Variants in CD109 observed in about 807,000 individuals in gnomAD.
The protein encoded by CD109 is CD109 molecule.
Under a neutral mutation model 165.8 loss-of-function variants are expected in CD109, and 149 were observed. The ratio of observed to expected loss-of-function variants is 0.90; its 90% CI spans 0.79 to 1.03. CD109 has a LOEUF of 1.03. CD109 is among the 50% of genes least tolerant of loss of function. The pLI, the probability that CD109 is intolerant of heterozygous loss-of-function variation, is 0.00. For missense variants in CD109, 1,712 were observed against 1,677.8 expected, an observed-to-expected ratio of 1.02 and a Z score of -0.36; for synonymous variants, 585 against 592.1, an observed-to-expected ratio of 0.99 and a Z score of 0.18.
At chr6:73,773,478 A>C (rs1480271500) in intron 15 of CD109, among the ~76,000 whole-genome samples, 7 of 151,804 alleles carry the variant, frequency 4.6e-5, no homozygotes, top group Admixed American at 2.0e-4. Flanking sequence ...TCTAATGGGG[A>C]CTTTTTCTGC....
chr6:73,722,524 C>T (rs950352462), intron 2 of CD109, among the ~76,000 whole-genome samples: 1 of 152,172 alleles, frequency 6.6e-6, no homozygotes, highest in Non-Finnish European at 1.5e-5. Context: ...CATTTGGCTT[C>T]CTGGAGGAGA....
chr6:73,808,164 C>A lies in CD109; in HGVS notation c.3271C>A (p.Leu1091Ile). 1 of 1,613,524 alleles carries A rather than the reference C, an allele frequency of 6.2e-7. No individual in the cohort carries two copies. Among genetic ancestry groups the A allele is most frequent in the Non-Finnish European group, 8.5e-7 (1 of 1,179,668 alleles). Reference protein sequence around the residue: ...RGISDNYTLALITYALSSVGS... With the variant: ...RGISDNYTLAIITYALSSVGS... The stretch of plus-strand genomic sequence containing the variant: ...AATTTCAGACAATTATACTCTAGCC[C>A]TTATAACTTATGCATTGTCATCAGT... The change falls in exon 26 of 33, where the codon CTT becomes ATT. Residue 1091 changes from leucine to isoleucine, a missense_variant. Coordinates refer to ENST00000287097, the MANE Select transcript of CD109 (RefSeq NM_133493.5).
intron 15 of CD109, 50 bp from the exon 16 acceptor site, chr6:73,780,374 G>A (rs1361247731): frequency 1.8e-6 from 2 of 1,093,174 alleles, no homozygotes; most frequent in East Asian, 4.8e-5. Context: ...GAAGAAGTGT[G>A]GAAAGTTGTT....
rs533848152 is a variant in CD109, at chr6:73,752,254, A to C, written c.634-4389A>C. On this transcript the variant is annotated intron_variant, in intron 5 of 32. Coordinates refer to ENST00000287097, the MANE Select transcript of CD109 (RefSeq NM_133493.5). The stretch of plus-strand genomic sequence containing the variant: ...AAAATATATTTTTTAATGGTCATGT[A>C]ATATGCTATATTTCTTCAAATCTGT... Among the ~76,000 whole-genome samples, 3 of 152,340 alleles carry C rather than the reference A, an allele frequency of 2.0e-5. No individual in the cohort carries two copies. In the South Asian group the frequency reaches 6.2e-4, roughly 32 times the overall value.
intron 4 of CD109, among the ~76,000 whole-genome samples, chr6:73,731,490 T>C (rs992818325): frequency 3.9e-4 from 60 of 152,196 alleles, no homozygotes; most frequent in African/African-American, 1.4e-3. Flanking sequence ...GGCAGTGTGC[T>C]GGAGCCCCGG....
At chr6:73,740,695 C>T (rs1049529916) in intron 5 of CD109, among the ~76,000 whole-genome samples, 6 of 150,752 alleles carry the variant, frequency 4.0e-5, no homozygotes, top group Non-Finnish European at 3.0e-5. Context: ...CAGGTTCAAG[C>T]GATTCTCCTG....
chr6:73,773,205 C>T (rs1300737302), intron 15 of CD109, among the ~76,000 whole-genome samples: 7 of 150,212 alleles, frequency 4.7e-5, no homozygotes, highest in Non-Finnish European at 3.0e-5. Flanking sequence ...TATATATTTA[C>T]AAGTATATTT....
chr6:73,808,666 G>A (rs1775654877), intron 26 of CD109, among the ~76,000 whole-genome samples: 1 of 152,122 alleles, frequency 6.6e-6, no homozygotes, highest in African/African-American at 2.4e-5. Flanking sequence ...AGGATTAAAT[G>A]AGATAATGTG....
intron 23 of CD109, among the ~76,000 whole-genome samples, chr6:73,793,131 G>A (rs1006842571): frequency 1.8e-4 from 27 of 152,304 alleles, no homozygotes; most frequent in Middle Eastern, 3.4e-3. Flanking sequence ...TTACACATTT[G>A]TGGAGTGTTT....
In CD109 at chr6:73,716,247, C is replaced by T. The variant is rs761676539; in HGVS notation, c.248-7004C>T. On this transcript the variant is annotated intron_variant, in intron 2 of 32. Coordinates refer to ENST00000287097, the MANE Select transcript of CD109 (RefSeq NM_133493.5). ...CAGTGGTGTAACAAACATGGGAGTGCAGATAGCTCTTTGATATACTGATTT... is the reference window on the plus strand; with the variant it reads ...CAGTGGTGTAACAAACATGGGAGTGTAGATAGCTCTTTGATATACTGATTT... 4.2e-4 allele frequency among the ~76,000 whole-genome samples: 64 copies of T among 152,320 alleles called. No individual in the cohort carries two copies. In the Middle Eastern group the frequency reaches 0.014, roughly 32 times the overall value.
At chr6:73,752,455 T>G (rs1346285195) in intron 5 of CD109, among the ~76,000 whole-genome samples, 1 of 152,192 alleles carries the variant, frequency 6.6e-6, no homozygotes, top group Non-Finnish European at 1.5e-5. Context: ...TTGTCTAATT[T>G]CTGTAACATA....
chr6:73,684,605 T>C, the CD109 span, among the ~76,000 whole-genome samples: 1 of 152,146 alleles, frequency 6.6e-6, no homozygotes, highest in African/African-American at 2.4e-5. Context: ...CCCTGATGAT[T>C]AGTGGTATTG....
chr6:73,694,088 A>G (rs933040778), upstream of CD109: 1 of 151,976 alleles, frequency 6.6e-6, no homozygotes, highest in Non-Finnish European at 1.5e-5. Flanking sequence ...GGGGTTTCAC[A>G]ATGTTGGTCA....
intron 22 of CD109, 108 bp downstream of exon 22, chr6:73,788,720 G>A: frequency 1.0e-6 from 1 of 962,220 alleles, no homozygotes; most frequent in Non-Finnish European, 1.5e-6. Context: ...AAGAAGAGAT[G>A]GCAAAAGTTT....
Position 73,762,738 on chromosome 6 carries a change from C to T in CD109, c.856-3C>T. ...AATAATACTGAACTTTTAAACAAAA[C>T]AGATAAATGGATCTGCAAACTTCTC... is the stretch of plus-strand genomic sequence containing the variant. On this transcript the variant is annotated splice_polypyrimidine_tract_variant and splice_region_variant and intron_variant, in intron 8 of 32. Transcript: ENST00000287097. 6.3e-7 allele frequency: 1 copy of T among 1,591,764 alleles called. No individual in the cohort carries two copies. Among genetic ancestry groups the T allele is most frequent in the South Asian group, 1.1e-5 (1 of 87,426 alleles).
intron 5 of CD109, among the ~76,000 whole-genome samples, chr6:73,743,110 G>A (rs1167021365): frequency 6.6e-6 from 1 of 152,110 alleles, no homozygotes; most frequent in Non-Finnish European, 1.5e-5. Context: ...ACCTTTTTAG[G>A]TAATCAGCTC....
intron 15 of CD109, among the ~76,000 whole-genome samples, 186 bp from the exon 16 acceptor site, chr6:73,780,238 A>G (rs181417863): frequency 9.8e-5 from 15 of 152,336 alleles, no homozygotes; most frequent in Admixed American, 2.0e-4. Context: ...AAAAGTAAGT[A>G]TAAGTAAGAA....
chr6:73,817,177 C>T (rs1775967466), intron 30 of CD109, among the ~76,000 whole-genome samples: 1 of 152,184 alleles, frequency 6.6e-6, no homozygotes, highest in African/African-American at 2.4e-5. Context: ...GACCTTACCT[C>T]ATACCAGGCT....
chr6:73,791,160 T>TATACACATACAC lies in CD109; in HGVS notation c.2702-1463_2702-1462insCACATACACATA, dbSNP rs1562070928. Among the ~76,000 whole-genome samples the TATACACATACAC allele has an allele frequency of 3.0e-3, 100 of 33,402 alleles. 1 individual carries two copies. Among genetic ancestry groups the TATACACATACAC allele is most frequent in the African/African-American group, 0.011 (90 of 8,240 alleles). 21.9% of individuals were successfully genotyped at this position (33,402 alleles called of 152,430 possible). A position where few individuals can be genotyped will look rare whatever the true frequency, so the allele number is the denominator to read the frequency against. On this transcript the variant is annotated intron_variant, in intron 22 of 32. Transcript: ENST00000287097. ...ACATATATATATATATATATATATA[T>TATACACATACAC]ATATATATATATATATACACACACA...
Sources: gnomAD v4.1 joint callset for allele counts (sites outside exome capture counted in the v4.1 genomes callset) on GRCh38, gnomAD v4.1.1 for gene constraint, MANE v1.5 for transcripts, NCBI Gene and HGNC (gene_info 2026-07-23, HGNC 2026-07-21) for gene names.